Variants in SLC35F4 observed in about 807,000 individuals in gnomAD.
SLC35F4 encodes the protein chromosome 14 open reading frame 36.
A neutral mutation model predicts 44.2 loss-of-function variants in SLC35F4; 24 were observed. That is an observed-to-expected ratio of 0.54 (90% CI 0.39 to 0.76). SLC35F4 has a LOEUF of 0.76. Among genes scored for constraint, SLC35F4 ranks in the 30% least tolerant of loss-of-function variants. SLC35F4 has a pLI of 0.00. For missense variants in SLC35F4, 562 were observed against 586.1 expected, an observed-to-expected ratio of 0.96 and a Z score of 0.42; for synonymous variants, 238 against 223.6, an observed-to-expected ratio of 1.06 and a Z score of -0.57.
chr14:57,571,775 CT>C (rs2068519479), intron 5 of SLC35F4, 118 bp downstream of exon 5: 1 of 1,356,566 alleles, frequency 7.4e-7, no homozygotes, highest in African/African-American at 1.5e-5. Context: ...AATTTACTTA[CT>C]ATTATTTCAA....
chr14:57,609,854 C>A (rs895345044), intron 1 of SLC35F4, among the ~76,000 whole-genome samples: 1 of 152,240 alleles, frequency 6.6e-6, no homozygotes, highest in Non-Finnish European at 1.5e-5. Flanking sequence ...CGCTTCCCCA[C>A]ATTAGGCCCT....
chr14:57,583,438 T>G (rs1035196644), intron 3 of SLC35F4, among the ~76,000 whole-genome samples: 1 of 152,214 alleles, frequency 6.6e-6, no homozygotes, highest in Non-Finnish European at 1.5e-5. Context: ...GGATATCTTT[T>G]TCTTATCACT....
chr14:57,581,364 A>C lies in SLC35F4; in HGVS notation c.657T>G (p.Phe219Leu), dbSNP rs764909608. The C allele has an allele frequency of 3.7e-6, 6 of 1,613,540 alleles. No individual in the cohort carries two copies. In the Admixed American group the frequency reaches 6.7e-5, roughly 18 times the overall value. ...LKLFLKRTAP[F>L]SILWTLTNYL... is the part of the protein sequence containing the mutation. ...AATTAGTCAAAGTCCATAGAATAGA[A>C]AAGGGAGCAGTTCTTTTAAGAAAGA... Residue 219 changes from phenylalanine to leucine, a missense_variant, in exon 4 of 8, where the codon TTT becomes TTG. Coordinates refer to ENST00000556826, the MANE Select transcript of SLC35F4 (RefSeq NM_001306087.2).
intron 1 of SLC35F4, among the ~76,000 whole-genome samples, chr14:57,793,229 G>T (rs766950647): frequency 1.6e-4 from 25 of 151,836 alleles, no homozygotes; most frequent in Non-Finnish European, 2.9e-4. Flanking sequence ...CCTTTTTTAT[G>T]CTCATTTTTT....
chr14:57,969,108 A>G (rs1287316391), intron 1 of SLC35F4, among the ~76,000 whole-genome samples: 1 of 152,222 alleles, frequency 6.6e-6, no homozygotes, highest in Non-Finnish European at 1.5e-5. Context: ...AAGGTTAAAA[A>G]TCTTTTCCAA....
chr14:57,769,237 C>A (rs1029162054), intron 1 of SLC35F4, among the ~76,000 whole-genome samples: 7 of 152,086 alleles, frequency 4.6e-5, no homozygotes, highest in African/African-American at 1.7e-4. Context: ...CCGTGCTGGG[C>A]TTCCATTAGC....
At chr14:57,912,877 A>G (rs540259507) in intron 1 of SLC35F4, among the ~76,000 whole-genome samples, 15 of 152,166 alleles carry the variant, frequency 9.9e-5, no homozygotes, top group East Asian at 1.9e-4. Context: ...GTCTTTAACT[A>G]TAACTATGGA....
chr14:57,960,076 C>T (rs1890311424), intron 1 of SLC35F4, among the ~76,000 whole-genome samples: 2 of 152,194 alleles, frequency 1.3e-5, no homozygotes, highest in African/African-American at 4.8e-5. Context: ...CTCCATGCCT[C>T]AGTCTCCTAG....
At chr14:57,850,171 C>G (rs750890331) in intron 1 of SLC35F4, among the ~76,000 whole-genome samples, 3 of 152,148 alleles carry the variant, frequency 2.0e-5, no homozygotes, top group Non-Finnish European at 2.9e-5. Context: ...ATTCTGTAAG[C>G]CTTTTAGGAC....
rs191644856 is a variant in SLC35F4, at chr14:57,784,045, A to G, written c.103+81678T>C. On this transcript the variant is annotated intron_variant, in intron 1 of 7. Transcript: ENST00000556826. ...TTTGTATGACTTCACAGGATTTATG[A>G]CAGAGCTAATCAAGGAAATAATGAA... is the stretch of plus-strand genomic sequence containing the variant. Among the ~76,000 whole-genome samples the G allele has an allele frequency of 3.1e-3, 474 of 152,348 alleles. 1 individual carries two copies. Among genetic ancestry groups the G allele is most frequent in the African/African-American group, 0.011 (462 of 41,580 alleles).
intron 1 of SLC35F4, among the ~76,000 whole-genome samples, chr14:57,831,142 A>G (rs531774426): frequency 2.0e-5 from 3 of 152,260 alleles, no homozygotes; most frequent in African/African-American, 4.8e-5. Context: ...CAGAGCAGGG[A>G]GGTGATTTTC....
rs562639491 is a variant in SLC35F4 at position 57,637,580 on chromosome 14, G to A, written c.104-43456C>T. 2.6e-5 allele frequency among the ~76,000 whole-genome samples: 4 copies of A among 152,248 alleles called. No individual in the cohort carries two copies. The East Asian group carries it at 7.7e-4, about 29-fold the overall frequency. ...CTCCGAGGATGGTTTAGCTAGGACT[G>A]CTGTACTAGAAGCAGGCTCAATCTT... is the stretch of plus-strand genomic sequence containing the variant. On this transcript the variant is annotated intron_variant, in intron 1 of 7. Coordinates refer to ENST00000556826, the MANE Select transcript of SLC35F4 (RefSeq NM_001306087.2).
intron 1 of SLC35F4, among the ~76,000 whole-genome samples, chr14:57,914,829 C>T (rs1270389532): frequency 1.3e-5 from 2 of 152,144 alleles, no homozygotes; most frequent in African/African-American, 4.8e-5. Flanking sequence ...TCCAGCAGCT[C>T]TCATGGCTTG....
intron 1 of SLC35F4, among the ~76,000 whole-genome samples, chr14:57,940,601 G>A (rs889525680): frequency 2.0e-5 from 3 of 152,178 alleles, no homozygotes; most frequent in African/African-American, 7.2e-5. Context: ...CAGCAGTGGA[G>A]TAGTCACTTT....
intron 1 of SLC35F4, among the ~76,000 whole-genome samples, chr14:57,600,923 A>G (rs1186100494): frequency 2.0e-5 from 3 of 151,900 alleles, no homozygotes. Context: ...AGGTAAACAT[A>G]TAGCCTTGAA....
intron 1 of SLC35F4, among the ~76,000 whole-genome samples, chr14:57,832,011 C>A (rs1374016025): frequency 1.3e-5 from 2 of 152,210 alleles, no homozygotes; most frequent in African/African-American, 2.4e-5. Context: ...TAATCCCTCA[C>A]AAATGACTCA....
At chr14:57,804,432 A>G (rs1046671725) in intron 1 of SLC35F4, among the ~76,000 whole-genome samples, 7 of 152,192 alleles carry the variant, frequency 4.6e-5, no homozygotes, top group African/African-American at 1.4e-4. Context: ...CACATAGACC[A>G]ATGGAACAGA....
intron 1 of SLC35F4, among the ~76,000 whole-genome samples, chr14:57,730,247 G>A (rs1813210756): frequency 6.6e-6 from 1 of 152,136 alleles, no homozygotes; most frequent in Non-Finnish European, 1.5e-5. Context: ...TTAAAATTTG[G>A]TGTTCCCGCA....
chr14:57,983,121 A>G (rs1172475701), upstream of SLC35F4, among the ~76,000 whole-genome samples: 1 of 152,240 alleles, frequency 6.6e-6, no homozygotes, highest in Non-Finnish European at 1.5e-5. Context: ...GCCTTTTGTA[A>G]AAAGAAAAGT....
Sources: gnomAD v4.1 joint callset for allele counts (sites outside exome capture counted in the v4.1 genomes callset) on GRCh38, gnomAD v4.1.1 for gene constraint, MANE v1.5 for transcripts, NCBI Gene and HGNC (gene_info 2026-07-23, HGNC 2026-07-21) for gene names.